Variants in PRKAA2 observed in about 807,000 individuals in gnomAD.
PRKAA2 encodes 5'-AMP-activated protein kinase catalytic subunit alpha-2.
In PRKAA2, 40 loss-of-function variants were observed where a neutral mutation model predicts 56.3. That is an observed-to-expected ratio of 0.71 (90% CI 0.55 to 0.92). PRKAA2 has a LOEUF of 0.92. Among genes scored for constraint, PRKAA2 ranks in the 40% least tolerant of loss-of-function variants. PRKAA2 has a pLI of 0.00. For missense variants in PRKAA2, 542 were observed against 686.9 expected, an observed-to-expected ratio of 0.79 and a Z score of 2.36; for synonymous variants, 214 against 234.2, an observed-to-expected ratio of 0.91 and a Z score of 0.79.
chr1:56,704,030 A>G lies in PRKAA2; in HGVS notation c.848A>G (p.Tyr283Cys). Reference sequence around the variant, plus strand: ...TACTTATTTCCTGAAGACCCTTCCTATGATGCTAACGTCATTGATGATGAG... The same window carrying G: ...TACTTATTTCCTGAAGACCCTTCCTGTGATGCTAACGTCATTGATGATGAG... ...PSYLFPEDPS[Y>C]DANVIDDEAV... The change falls in exon 7 of 9, where the codon TAT becomes TGT. Residue 283 changes from tyrosine (Y) to cysteine (C), a missense_variant. Coordinates refer to ENST00000371244, the MANE Select transcript of PRKAA2 (RefSeq NM_006252.4). 7 of 1,613,894 alleles carry G rather than the reference A, an allele frequency of 4.3e-6. No homozygotes were observed. Among genetic ancestry groups the G allele is most frequent in the East Asian group, 4.5e-5 (2 of 44,892 alleles).
intron 1 of PRKAA2, 86 bp downstream of exon 1, chr1:56,645,567 G>A (rs1646633371): frequency 4.0e-6 from 5 of 1,258,208 alleles, no homozygotes; most frequent in Admixed American, 3.2e-5. Context: ...GGCCTCCGGC[G>A]GGCGCGGGGC....
At chr1:56,660,996 C>T (rs571090581) in intron 1 of PRKAA2, among the ~76,000 whole-genome samples, 5 of 152,064 alleles carry the variant, frequency 3.3e-5, no homozygotes, top group South Asian at 2.1e-4. Flanking sequence ...GTGAAAGGAG[C>T]GTTGTGTTGT....
intron 1 of PRKAA2, among the ~76,000 whole-genome samples, chr1:56,652,008 ATTT>A (rs35462805): frequency 1.4e-4 from 15 of 106,500 alleles, no homozygotes; most frequent in Admixed American, 2.0e-4. Context: ...CGCCTGGCTA[ATTT>A]TTTTTTTTTT....
intron 1 of PRKAA2, among the ~76,000 whole-genome samples, chr1:56,662,327 A>G (rs1043476833): frequency 3.3e-5 from 5 of 152,166 alleles, no homozygotes; most frequent in African/African-American, 1.2e-4. Flanking sequence ...TATCTTTGAG[A>G]AAAACATATG....
rs1356954503 is a variant in PRKAA2 at position 56,709,792 on chromosome 1, C to T, written c.*2079C>T. Reference sequence around the variant, plus strand: ...ATAGGTCAGATATTAAAAAATTGTTCATATCAAAATTACCTTATATGGATT... The same window carrying T: ...ATAGGTCAGATATTAAAAAATTGTTTATATCAAAATTACCTTATATGGATT... On this transcript the variant is annotated 3_prime_UTR_variant, in exon 9 of 9. Transcript: ENST00000371244. 1 of 152,108 alleles carries T rather than the reference C, an allele frequency of 6.6e-6. No individual in the cohort carries two copies. The highest frequency in any genetic ancestry group is 1.9e-4 in the East Asian group (1 of 5,196). 9.4% of individuals were successfully genotyped at this position (152,108 alleles called of 1,614,324 possible). A position where few individuals can be genotyped will look rare whatever the true frequency, so the allele number is the denominator to read the frequency against.
chr1:56,700,447 A>G (rs774471340), intron 6 of PRKAA2, among the ~76,000 whole-genome samples: 4 of 152,126 alleles, frequency 2.6e-5, no homozygotes, highest in Non-Finnish European at 5.9e-5. Context: ...TTTCTCAGGC[A>G]AACACACAAC....
At chr1:56,701,181 T>G (rs1347148714) in intron 6 of PRKAA2, among the ~76,000 whole-genome samples, 1 of 152,202 alleles carries the variant, frequency 6.6e-6, no homozygotes, top group African/African-American at 2.4e-5. Flanking sequence ...ACTTTTCTAT[T>G]TGTCATTGAT....
chr1:56,683,517 A>C (rs1029111762), intron 2 of PRKAA2, among the ~76,000 whole-genome samples: 4 of 152,166 alleles, frequency 2.6e-5, no homozygotes, highest in Non-Finnish European at 4.4e-5. Context: ...TGATCCATTC[A>C]TTCAACAGAT....
chr1:56,645,387 G>C lies in PRKAA2; in HGVS notation c.-1G>C. 2 of 1,483,794 alleles carry C rather than the reference G, an allele frequency of 1.3e-6. No homozygotes were observed. The highest frequency in any genetic ancestry group is 1.8e-6 in the Non-Finnish European group (2 of 1,109,576). The allele number at this position is 1,483,794 out of a possible 1,614,324, so 91.9% of individuals were successfully genotyped here. ...GTGGAGCGAGGCCGCGCGCGCCGAAGATGGCTGAGAAGCAGAAGCACGACG... is the reference window on the plus strand; with the variant it reads ...GTGGAGCGAGGCCGCGCGCGCCGAACATGGCTGAGAAGCAGAAGCACGACG... On this transcript the variant is annotated 5_prime_UTR_variant, in exon 1 of 9. Coordinates refer to ENST00000371244, the MANE Select transcript of PRKAA2 (RefSeq NM_006252.4).
At chr1:56,706,029 CT>C (rs1424501965) in intron 7 of PRKAA2, 62 bp from the exon 8 acceptor site, 72 of 1,438,964 alleles carry the variant, frequency 5.0e-5, no homozygotes, top group South Asian at 1.3e-4. Flanking sequence ...TTTGTTTTGA[CT>C]TTTTTTGCAT....
chr1:56,668,964 T>A (rs571943953), intron 1 of PRKAA2, among the ~76,000 whole-genome samples: 26 of 152,292 alleles, frequency 1.7e-4, no homozygotes, highest in Non-Finnish European at 3.4e-4. Flanking sequence ...ACCGAAATCG[T>A]CAAGAGGCAG....
Position 56,704,017 on chromosome 1 carries a change from G to A in PRKAA2, c.835G>A (p.Glu279Lys). ...KQDLPSYLFP[E>K]DPSYDANVID... is the part of the protein sequence containing the mutation. Reference sequence around the variant, plus strand: ...AGATTTGCCCAGTTACTTATTTCCTGAAGACCCTTCCTATGATGCTAACGT... The same window carrying A: ...AGATTTGCCCAGTTACTTATTTCCTAAAGACCCTTCCTATGATGCTAACGT... Residue 279 changes from glutamate to lysine, a missense_variant, in exon 7 of 9, where the codon GAA (glutamate) becomes AAA (lysine). This residue lies in a region of PRKAA2 where 198 missense variants were observed against 234.0 expected (regional missense o/e 0.85). Transcript: ENST00000371244. The A allele has an allele frequency of 6.2e-7, 1 of 1,613,530 alleles. No individual in the cohort carries two copies. Among genetic ancestry groups the A allele is most frequent in the African/African-American group, 1.3e-5 (1 of 75,028 alleles).
At chr1:56,694,764 C>T (rs999240539) in intron 5 of PRKAA2, among the ~76,000 whole-genome samples, 1 of 151,994 alleles carries the variant, frequency 6.6e-6, no homozygotes, top group African/African-American at 2.4e-5. Context: ...AATACTATCT[C>T]CTTGGGGGTT....
intron 2 of PRKAA2, among the ~76,000 whole-genome samples, chr1:56,690,519 A>G (rs1471737598): frequency 1.3e-5 from 2 of 152,222 alleles, no homozygotes; most frequent in Non-Finnish European, 2.9e-5. Context: ...ACTAATCAGC[A>G]TGTAGACTTT....
chr1:56,687,096 C>G (rs995808005), intron 2 of PRKAA2, among the ~76,000 whole-genome samples: 14 of 152,012 alleles, frequency 9.2e-5, no homozygotes, highest in African/African-American at 2.9e-4. Flanking sequence ...GTTGGTCAGG[C>G]TGGTCTCAGA....
intron 1 of PRKAA2, chr1:56,671,341 A>G (rs1352486224): frequency 6.6e-6 from 1 of 152,166 alleles, no homozygotes; most frequent in Non-Finnish European, 1.5e-5. Flanking sequence ...AGAGAGACGT[A>G]TTTGTTAGAC....
chr1:56,664,073 G>C (rs961930135), intron 1 of PRKAA2, among the ~76,000 whole-genome samples: 2 of 152,092 alleles, frequency 1.3e-5, no homozygotes, highest in African/African-American at 4.8e-5. Flanking sequence ...CTTCCAGCCT[G>C]GGCAACAGAG....
intron 5 of PRKAA2, among the ~76,000 whole-genome samples, chr1:56,694,519 A>G (rs1644246801): frequency 6.6e-6 from 1 of 152,212 alleles, no homozygotes; most frequent in Non-Finnish European, 1.5e-5. Context: ...TAAAGGTGAT[A>G]GCTTATAAAC....
In PRKAA2 at chr1:56,707,668, T is replaced by A. The variant is rs1325959714; in HGVS notation, c.1614T>A (p.Asp538Glu). 1 of 1,613,236 alleles carries A rather than the reference T, an allele frequency of 6.2e-7. No individual in the cohort carries two copies. The highest frequency in any genetic ancestry group is 8.5e-7 in the Non-Finnish European group (1 of 1,179,192). Residue 538 changes from aspartate to glutamate, a missense_variant, in exon 9 of 9, where the codon GAT becomes GAA. Transcript: ENST00000371244. ...CTCGCCTGGGCAGTCACACCATGGA[T>A]TTTTTTGAAATGTGTGCCAGTCTGA... is the stretch of plus-strand genomic sequence containing the variant. ...VSPRLGSHTM[D>E]FFEMCASLIT...
Sources: gnomAD v4.1 joint callset for allele counts (sites outside exome capture counted in the v4.1 genomes callset) on GRCh38, gnomAD v4.1.1 for gene constraint, gnomAD v4.1.1 regional missense constraint, MANE v1.5 for transcripts, NCBI Gene and HGNC (gene_info 2026-07-23, HGNC 2026-07-21) for gene names.